Variants in COL11A1 observed in about 807,000 individuals in gnomAD.
COL11A1 encodes collagen alpha-1(XI) chain.
Under a neutral mutation model 265.2 loss-of-function variants are expected in COL11A1, and 74 were observed. The observed-to-expected ratio is 0.28, with a 90% CI of 0.23 to 0.34. COL11A1 has a LOEUF of 0.34. Among genes scored for constraint, COL11A1 ranks in the 10% least tolerant of loss-of-function variants. The pLI is 1.00. For missense variants in COL11A1, 2,165 were observed against 2,263.6 expected (o/e 0.96, Z 0.88); for synonymous variants, 816 against 727.6 (o/e 1.12, Z -1.96).
intron 15 of COL11A1, among the ~76,000 whole-genome samples, chr1:103,007,042 C>T (rs1053172254): frequency 5.9e-5 from 9 of 151,822 alleles, no homozygotes; most frequent in South Asian, 2.1e-4. Flanking sequence ...CCTTTCATTG[C>T]GCTTATAATG....
intron 50 of COL11A1, among the ~76,000 whole-genome samples, chr1:102,915,339 T>C (rs1274993975): frequency 1.1e-4 from 5 of 46,088 alleles, no homozygotes; most frequent in Non-Finnish European, 5.2e-4. Flanking sequence ...AGGACTTCTT[T>C]GTTTGTTCCT....
At chr1:103,101,488 C>T (rs1674267889) in intron 1 of COL11A1, among the ~76,000 whole-genome samples, 1 of 151,938 alleles carries the variant, frequency 6.6e-6, no homozygotes. Context: ...AGCTACTGCT[C>T]TTTCTGGCAG....
At chr1:102,960,635 G>C (rs891529086) in intron 41 of COL11A1, among the ~76,000 whole-genome samples, 5 of 152,024 alleles carry the variant, frequency 3.3e-5, no homozygotes, top group African/African-American at 1.2e-4. Context: ...CTGGAGAAAG[G>C]GGAAAGGTGT....
rs371376152 is a variant in COL11A1 at position 102,914,431 on chromosome 1, G to T, written c.3925-26C>A. On this transcript the variant is annotated intron_variant, in intron 51 of 66. Coordinates refer to ENST00000370096, the MANE Select transcript of COL11A1 (RefSeq NM_001854.4). ...CTAGAATGACGTTTTGAAAGAAAAA[G>T]AAATAAATGAAAAATAAATTTTTAT... 5.8e-5 allele frequency: 92 copies of T among 1,573,064 alleles called. 1 individual carries two copies. Among genetic ancestry groups the T allele is most frequent in the Admixed American group, 4.6e-4 (27 of 58,510 alleles).
chr1:102,963,747 A>C (rs1176832571), intron 38 of COL11A1, among the ~76,000 whole-genome samples: 2 of 152,284 alleles, frequency 1.3e-5, no homozygotes, highest in East Asian at 3.9e-4. Context: ...TAATTTCTCA[A>C]CTTAACATTA....
At chr1:103,103,818 G>C (rs560520653) in intron 1 of COL11A1, among the ~76,000 whole-genome samples, 1 of 151,908 alleles carries the variant, frequency 6.6e-6, no homozygotes, top group South Asian at 2.1e-4. Flanking sequence ...ATTTTTTCCT[G>C]AGCTAAAAGG....
chr1:103,030,871 G>A (rs1423299243), intron 5 of COL11A1: 2 of 464,712 alleles, frequency 4.3e-6, no homozygotes, highest in East Asian at 4.4e-5. Context: ...TGGAATATGT[G>A]CATATACACA....
intron 18 of COL11A1, 30 bp downstream of exon 18, chr1:103,005,808 C>A: frequency 6.2e-7 from 1 of 1,611,440 alleles, no homozygotes; most frequent in South Asian, 1.1e-5. Context: ...TATAACATTC[C>A]CTGGAAAAAA....
intron 24 of COL11A1, among the ~76,000 whole-genome samples, chr1:103,000,584 C>T (rs1156608099): frequency 2.6e-5 from 4 of 151,664 alleles, no homozygotes; most frequent in Non-Finnish European, 5.9e-5. Context: ...CGAGAATGAT[C>T]GTAATCAAGA....
intron 41 of COL11A1, among the ~76,000 whole-genome samples, chr1:102,959,424 A>AGTC (rs1332748011): frequency 1.2e-3 from 20 of 16,456 alleles, no homozygotes; most frequent in African/African-American, 2.0e-3. Flanking sequence ...ACGATTTTGT[A>AGTC]ATCTGCACTC....
chr1:102,968,785 C>A (rs925273861), intron 37 of COL11A1, among the ~76,000 whole-genome samples: 3 of 152,130 alleles, frequency 2.0e-5, no homozygotes, highest in Non-Finnish European at 4.4e-5. Context: ...AACATTCATT[C>A]TAGAAACATT....
At chr1:102,956,941 T>C in intron 41 of COL11A1, among the ~76,000 whole-genome samples, 1 of 151,790 alleles carries the variant, frequency 6.6e-6, no homozygotes, top group Admixed American at 6.6e-5. Flanking sequence ...AAAAGCATAC[T>C]TGAAAAAAAG....
chr1:103,059,498 G>C (rs567406469), intron 4 of COL11A1, among the ~76,000 whole-genome samples: 1 of 152,108 alleles, frequency 6.6e-6, no homozygotes, highest in African/African-American at 2.4e-5. Flanking sequence ...GCAAGGAAAA[G>C]AAACTACAGT....
rs149842131 is a variant in COL11A1, at chr1:102,976,289, C to CT, written c.2755-1407dup. On this transcript the variant is annotated intron_variant, in intron 35 of 66. Transcript: ENST00000370096. ...TATAAAATTTCACAGAAAACGTTGG[C>CT]TTTTTTTTTTTTTTTTTTTTTTTTT... Among the ~76,000 whole-genome samples, 35 of 58,600 alleles carry CT rather than the reference C, an allele frequency of 6.0e-4. 2 individuals are homozygous for CT. Among genetic ancestry groups the CT allele is most frequent in the African/African-American group, 1.6e-3 (30 of 18,692 alleles). 38.4% of individuals were successfully genotyped at this position (58,600 alleles called of 152,430 possible).
chr1:103,085,513 C>G (rs965977350), intron 1 of COL11A1, among the ~76,000 whole-genome samples: 3 of 140,044 alleles, frequency 2.1e-5, no homozygotes, highest in African/African-American at 7.4e-5. Flanking sequence ...CATAGTGGCC[C>G]TGACTGGGAA....
chr1:102,922,435 C>T (rs1433257008), intron 47 of COL11A1, among the ~76,000 whole-genome samples: 6 of 152,104 alleles, frequency 3.9e-5, no homozygotes, highest in Admixed American at 6.5e-5. Flanking sequence ...CTTGCTCTGT[C>T]GCCCAGGCTG....
At chr1:102,943,977 C>T (rs1659006295) in intron 42 of COL11A1, among the ~76,000 whole-genome samples, 1 of 152,034 alleles carries the variant, frequency 6.6e-6, no homozygotes, top group Admixed American at 6.6e-5. Context: ...GTTTTAGCCC[C>T]TTTCTTCTTA....
intron 37 of COL11A1, among the ~76,000 whole-genome samples, chr1:102,967,614 C>G (rs974776331): frequency 2.0e-5 from 3 of 152,076 alleles, no homozygotes; most frequent in Admixed American, 2.0e-4. Context: ...TCAGTTACTT[C>G]CTTTGCTTTG....
intron 64 of COL11A1, among the ~76,000 whole-genome samples, chr1:102,882,742 T>C (rs1195058645): frequency 6.6e-6 from 1 of 152,178 alleles, no homozygotes; most frequent in African/African-American, 2.4e-5. Flanking sequence ...TAATGTTAGG[T>C]AAAAATTAAA....
Sources: gnomAD v4.1 joint callset for allele counts (sites outside exome capture counted in the v4.1 genomes callset) on GRCh38, gnomAD v4.1.1 for gene constraint, MANE v1.5 for transcripts, NCBI Gene and HGNC (gene_info 2026-07-23, HGNC 2026-07-21) for gene names.